The following TTC39B variants were observed in gnomAD, a reference collection of about 807,000 sequenced individuals.
TTC39B encodes tetratricopeptide repeat domain 39B, also known as tetratricopeptide repeat protein 39B.
TTC39B carries 92 observed loss-of-function variants against 96.6 expected under a neutral mutation model. The observed-to-expected ratio is 0.95, with a 90% CI of 0.80 to 1.13. TTC39B has a LOEUF of 1.13. Ranked by LOEUF, TTC39B falls within the 50% of genes most tolerant of loss-of-function variation. The pLI, the probability that TTC39B is intolerant of heterozygous loss-of-function variation, is 0.00. For synonymous variants in TTC39B, 367 were observed against 299.4 expected, an observed-to-expected ratio of 1.23 and a Z score of -2.33; for missense variants, 955 against 809.3, an observed-to-expected ratio of 1.18 and a Z score of -2.18.
chr9:15,236,255 T>TA (rs1821775284), intron 2 of TTC39B, among the ~76,000 whole-genome samples: 1 of 152,182 alleles, frequency 6.6e-6, no homozygotes, highest in South Asian at 2.1e-4. Flanking sequence ...AAGGATTCAA[T>TA]ATAACAAGAA....
At chr9:15,246,769 C>A (rs1822298624) in intron 2 of TTC39B, among the ~76,000 whole-genome samples, 1 of 152,242 alleles carries the variant, frequency 6.6e-6, no homozygotes, top group African/African-American at 2.4e-5. Flanking sequence ...ACTGGCCAGC[C>A]AGGTAAGTGA....
chr9:15,264,932 CAA>C (rs1034286336), intron 2 of TTC39B, among the ~76,000 whole-genome samples: 1 of 151,928 alleles, frequency 6.6e-6, no homozygotes, highest in African/African-American at 2.4e-5. Context: ...CTCGGTTGAA[CAA>C]AAGAGTTGTT....
chr9:15,234,945 T>A (rs2131446977), intron 2 of TTC39B, among the ~76,000 whole-genome samples: 1 of 151,592 alleles, frequency 6.6e-6, no homozygotes, highest in South Asian at 2.1e-4. Context: ...TGTTCACTTG[T>A]TTATCTGCTG....
chr9:15,209,181 A>G (rs1224765838), intron 6 of TTC39B, among the ~76,000 whole-genome samples: 1 of 151,998 alleles, frequency 6.6e-6, no homozygotes, highest in Admixed American at 6.6e-5. Flanking sequence ...TTCCTTCTAC[A>G]GGAATATTTA....
intron 2 of TTC39B, among the ~76,000 whole-genome samples, chr9:15,248,068 T>C (rs1278139044): frequency 1.3e-5 from 2 of 151,008 alleles, no homozygotes; most frequent in East Asian, 1.9e-4. Flanking sequence ...CTGTTGAAGA[T>C]TTTTTTTAAA....
At chr9:15,247,071 T>A (rs1822311488) in intron 2 of TTC39B, among the ~76,000 whole-genome samples, 1 of 152,224 alleles carries the variant, frequency 6.6e-6, no homozygotes, top group Non-Finnish European at 1.5e-5. Context: ...CAGTTTTGGT[T>A]GTAACCATCT....
intron 1 of TTC39B, among the ~76,000 whole-genome samples, chr9:15,276,265 T>G (rs963918908): frequency 1.3e-5 from 2 of 152,238 alleles, no homozygotes; most frequent in Non-Finnish European, 2.9e-5. Context: ...GAGGGCCAGA[T>G]ACAACACGAG....
chr9:15,183,354 A>ATGATGATCTT (rs1011977663), intron 16 of TTC39B: 3 of 436,964 alleles, frequency 6.9e-6, no homozygotes, highest in Admixed American at 5.2e-5. Flanking sequence ...TTTTAAATTG[A>ATGATGATCTT]TGATGATCTT....
rs145804965 is a variant in TTC39B at position 15,221,677 on chromosome 9, G to A, written c.371+4240C>T. 7.9e-3 allele frequency among the ~76,000 whole-genome samples: 1,199 copies of A among 152,278 alleles called. 15 individuals carry two copies. Among genetic ancestry groups the A allele is most frequent in the African/African-American group, 0.027 (1,123 of 41,546 alleles). ...CAGAGCCACCCCTGTGTGCCGCAGT[G>A]CTTCAAGCTATGTCTACTTTAGTAG... is the stretch of plus-strand genomic sequence containing the variant. On this transcript the variant is annotated intron_variant, in intron 3 of 19. Coordinates refer to ENST00000512701, the Ensembl canonical transcript of TTC39B.
intron 18 of TTC39B, among the ~76,000 whole-genome samples, chr9:15,177,436 G>C (rs1028796214): frequency 1.3e-5 from 2 of 152,162 alleles, no homozygotes; most frequent in African/African-American, 4.8e-5. Flanking sequence ...AGTTTGGCTA[G>C]ACACCTGTTA....
intron 2 of TTC39B, 25 bp from the exon 3 acceptor site, chr9:15,226,037 G>A (rs1167742707): frequency 6.2e-7 from 1 of 1,607,192 alleles, no homozygotes; most frequent in Admixed American, 1.7e-5. Flanking sequence ...GGCAGAGCAA[G>A]GTTTTTTATT....
intron 2 of TTC39B, 104 bp from the exon 3 acceptor site, chr9:15,226,116 C>A: frequency 3.6e-6 from 3 of 836,716 alleles, no homozygotes; most frequent in Non-Finnish European, 5.4e-6. Flanking sequence ...TATTTTTATA[C>A]ATCTTACCTC....
intron 4 of TTC39B, among the ~76,000 whole-genome samples, chr9:15,211,605 T>C (rs1442215267): frequency 6.6e-6 from 1 of 152,160 alleles, no homozygotes; most frequent in Non-Finnish European, 1.5e-5. Flanking sequence ...GAACAAAATG[T>C]TCCAGGTTGA....
chr9:15,284,813 T>A (rs1242336429), intron 1 of TTC39B, among the ~76,000 whole-genome samples: 2 of 152,166 alleles, frequency 1.3e-5, no homozygotes, highest in Admixed American at 6.5e-5. Context: ...GTGAGAATAA[T>A]TTTATGTATT....
At chr9:15,265,124 G>C (rs1490432922) in intron 2 of TTC39B, among the ~76,000 whole-genome samples, 1 of 152,182 alleles carries the variant, frequency 6.6e-6, no homozygotes, top group Non-Finnish European at 1.5e-5. Flanking sequence ...TGTGAGATAG[G>C]AATCTAAATT....
intron 2 of TTC39B, among the ~76,000 whole-genome samples, chr9:15,228,651 C>T (rs752341276): frequency 1.3e-5 from 2 of 152,144 alleles, no homozygotes; most frequent in Non-Finnish European, 2.9e-5. Flanking sequence ...ATTTGTCTTG[C>T]TTCTTTAAAT....
At chr9:15,213,741 T>A (rs570251553) in intron 4 of TTC39B, among the ~76,000 whole-genome samples, 1 of 152,332 alleles carries the variant, frequency 6.6e-6, no homozygotes, top group South Asian at 2.1e-4. Context: ...ATAGTCTTCT[T>A]ATCTTAAATT....
chr9:15,277,296 C>T (rs769331237), intron 1 of TTC39B, among the ~76,000 whole-genome samples: 18 of 152,146 alleles, frequency 1.2e-4, no homozygotes, highest in East Asian at 5.8e-4. Flanking sequence ...GGCGTGGTGG[C>T]GCATGCCTGT....
At chr9:15,269,850 G>A (rs1406297930) in intron 1 of TTC39B, among the ~76,000 whole-genome samples, 9 of 126,074 alleles carry the variant, frequency 7.1e-5, no homozygotes, top group African/African-American at 1.7e-4. Flanking sequence ...GTGAGACTCC[G>A]TCTCCAAAAA....
Sources: gnomAD v4.1 joint callset for allele counts (sites outside exome capture counted in the v4.1 genomes callset) on GRCh38, gnomAD v4.1.1 for gene constraint, MANE v1.5 for transcripts, NCBI Gene and HGNC (gene_info 2026-07-23, HGNC 2026-07-21) for gene names.